Variants in RBPJ observed in about 807,000 individuals in gnomAD.
The protein encoded by RBPJ is recombination signal binding protein for immunoglobulin kappa J region.
Under a neutral mutation model 67.8 loss-of-function variants are expected in RBPJ, and 9 were observed. That is an observed-to-expected ratio of 0.13 (90% CI 0.08 to 0.23). The LOEUF (loss-of-function observed/expected upper bound fraction) is 0.23, where lower values mean the gene tolerates loss of function less well. Ranked by LOEUF, RBPJ falls within the 10% of genes least tolerant of loss-of-function variation. The pLI is 1.00. For missense variants in RBPJ, 305 were observed against 595.6 expected, an observed-to-expected ratio of 0.51 and a Z score of 5.08; for synonymous variants, 198 against 203.3, an observed-to-expected ratio of 0.97 and a Z score of 0.22.
intron 2 of RBPJ, among the ~76,000 whole-genome samples, chr4:26,390,573 T>A (rs185214691): frequency 6.6e-6 from 1 of 152,282 alleles, no homozygotes; most frequent in East Asian, 1.9e-4. Flanking sequence ...ACAACTAAAT[T>A]GTATTTCTGT....
chr4:26,323,340 G>T lies in RBPJ; in HGVS notation c.20+2292G>T, dbSNP rs73809412. 4.9e-3 allele frequency among the ~76,000 whole-genome samples: 741 copies of T among 152,172 alleles called. 10 individuals carry two copies. Among genetic ancestry groups the T allele is most frequent in the African/African-American group, 0.017 (719 of 41,536 alleles). ...AATGGAAGGTATTTTGCTCTGACTTGTACCTGTAAGAATGATTACACAGAC... is the reference window on the plus strand; with the variant it reads ...AATGGAAGGTATTTTGCTCTGACTTTTACCTGTAAGAATGATTACACAGAC... On this transcript the variant is annotated intron_variant, in intron 1 of 10. Coordinates refer to ENST00000355476, the MANE Select transcript of RBPJ (RefSeq NM_015874.6).
At chr4:26,383,339 A>C (rs905474086) in intron 1 of RBPJ, among the ~76,000 whole-genome samples, 1 of 152,172 alleles carries the variant, frequency 6.6e-6, no homozygotes, top group African/African-American at 2.4e-5. Context: ...AGTGCGATGA[A>C]TCTCTTACTA....
intron 1 of RBPJ, among the ~76,000 whole-genome samples, chr4:26,332,746 ACT>A (rs1724392438): frequency 6.6e-6 from 1 of 152,112 alleles, no homozygotes; most frequent in Non-Finnish European, 1.5e-5. Flanking sequence ...AAACTCCTGG[ACT>A]CAATCCTTCC....
intron 1 of RBPJ, among the ~76,000 whole-genome samples, chr4:26,270,974 GA>G (rs914466746): frequency 4.6e-5 from 7 of 151,938 alleles, no homozygotes; most frequent in East Asian, 1.9e-4. Flanking sequence ...ATTTTGAGGA[GA>G]AAAAAACCAT....
At chr4:26,230,714 T>C (rs943528324) in intron 1 of RBPJ, among the ~76,000 whole-genome samples, 1 of 152,220 alleles carries the variant, frequency 6.6e-6, no homozygotes, top group African/African-American at 2.4e-5. Flanking sequence ...TTTATTTCCT[T>C]ACAAATCAGT....
chr4:26,263,386 C>T (rs1478577871), intron 1 of RBPJ, among the ~76,000 whole-genome samples: 2 of 151,522 alleles, frequency 1.3e-5, no homozygotes, highest in Non-Finnish European at 2.9e-5. Context: ...CCGTCTCCCA[C>T]TGCAAAGGAG....
At chr4:26,280,935 A>G (rs572724294) in intron 1 of RBPJ, among the ~76,000 whole-genome samples, 3 of 152,296 alleles carry the variant, frequency 2.0e-5, no homozygotes, top group Admixed American at 2.0e-4. Flanking sequence ...CTATATTTCT[A>G]TCCAAATAAG....
intron 1 of RBPJ, among the ~76,000 whole-genome samples, chr4:26,215,245 A>C (rs1560214546): frequency 6.3e-5 from 1 of 15,870 alleles, no homozygotes; most frequent in Non-Finnish European, 1.1e-4. Flanking sequence ...GAAAGAAAGA[A>C]AGTAAGAAAG....
intron 4 of RBPJ, among the ~76,000 whole-genome samples, chr4:26,416,428 C>T (rs1311016621): frequency 6.6e-6 from 1 of 152,084 alleles, no homozygotes. Context: ...TGGGGTTTCG[C>T]CATGTTACCT....
intron 1 of RBPJ, among the ~76,000 whole-genome samples, chr4:26,376,461 C>A (rs2109578336): frequency 6.6e-6 from 1 of 152,312 alleles, no homozygotes; most frequent in Admixed American, 6.5e-5. Context: ...TCAGAATTTC[C>A]TTTTCAGGCT....
intron 1 of RBPJ, among the ~76,000 whole-genome samples, chr4:26,339,923 G>A (rs1725327351): frequency 6.6e-6 from 1 of 151,998 alleles, no homozygotes; most frequent in Admixed American, 6.6e-5. Flanking sequence ...GGAGGCTCAG[G>A]CAGGAGAATT....
intron 1 of RBPJ, among the ~76,000 whole-genome samples, chr4:26,356,616 T>G (rs2109471356): frequency 6.6e-6 from 1 of 152,372 alleles, no homozygotes; most frequent in South Asian, 2.1e-4. Context: ...TTTAGTTCTT[T>G]TCTTATCAGT....
chr4:26,208,538 TTAAG>T (rs1385079520), intron 1 of RBPJ, among the ~76,000 whole-genome samples: 1 of 152,194 alleles, frequency 6.6e-6, no homozygotes, highest in Non-Finnish European at 1.5e-5. Flanking sequence ...GATAATGACA[TTAAG>T]TAAGAGGGAG....
chr4:26,294,485 G>A (rs909525199), intron 1 of RBPJ, among the ~76,000 whole-genome samples: 3 of 152,020 alleles, frequency 2.0e-5, no homozygotes, highest in Non-Finnish European at 2.9e-5. Flanking sequence ...TGTAGGGGAC[G>A]GGAGTGGAGT....
At chr4:26,354,387 G>A (rs1727133423) in intron 1 of RBPJ, among the ~76,000 whole-genome samples, 1 of 151,070 alleles carries the variant, frequency 6.6e-6, no homozygotes, top group African/African-American at 2.4e-5. Context: ...TAGATCACAA[G>A]GAAAACATAA....
intron 7 of RBPJ, among the ~76,000 whole-genome samples, chr4:26,426,908 CCT>C (rs2109828711): frequency 6.6e-6 from 1 of 152,232 alleles, no homozygotes; most frequent in South Asian, 2.1e-4. Flanking sequence ...TTGTAGGATC[CCT>C]CTCTGTATCT....
chr4:26,197,754 C>T (rs576616924), intron 1 of RBPJ, among the ~76,000 whole-genome samples: 7 of 152,040 alleles, frequency 4.6e-5, no homozygotes, highest in Admixed American at 3.3e-4. Flanking sequence ...CACCCCTGGC[C>T]GCTTGTCTTC....
chr4:26,326,017 TCTTATA>T (rs1235597922), intron 1 of RBPJ, among the ~76,000 whole-genome samples: 3 of 152,176 alleles, frequency 2.0e-5, no homozygotes, highest in Non-Finnish European at 2.9e-5. Context: ...TCATTTATAT[TCTTATA>T]CTTAGAAGAT....
chr4:26,362,458 T>C, intron 1 of RBPJ: 1 of 1,448,254 alleles, frequency 6.9e-7, no homozygotes, highest in South Asian at 1.6e-5. Context: ...ATTGAAATTA[T>C]GAGACTATCA....
Sources: gnomAD v4.1 joint callset for allele counts (sites outside exome capture counted in the v4.1 genomes callset) on GRCh38, gnomAD v4.1.1 for gene constraint, MANE v1.5 for transcripts, NCBI Gene and HGNC (gene_info 2026-07-23, HGNC 2026-07-21) for gene names.